HSPD1: variants seen among roughly 807,000 people sequenced by gnomAD.
HSPD1 encodes the protein heat shock protein family D (Hsp60) member 1.
In HSPD1, 3 loss-of-function variants were observed where a neutral mutation model predicts 53.0. The observed-to-expected ratio is 0.06, with a 90% CI of 0.03 to 0.15. The LOEUF (loss-of-function observed/expected upper bound fraction) is 0.15, where lower values mean the gene tolerates loss of function less well. HSPD1 is among the 10% of genes least tolerant of loss of function. The probability of loss-of-function intolerance (pLI) is 1.00; values close to 1 mark genes in which losing one functional copy is unlikely to be tolerated. For missense variants in HSPD1, 431 were observed against 694.1 expected (o/e 0.62, Z 4.26); for synonymous variants, 200 against 228.0 (o/e 0.88, Z 1.10).
At chr2:197,492,254 A>C (rs1163126829) in intron 7 of HSPD1, among the ~76,000 whole-genome samples, 3 of 152,248 alleles carry the variant, frequency 2.0e-5, no homozygotes, top group South Asian at 2.1e-4. Flanking sequence ...GCAGCAGCAC[A>C]ATCTCGGATC....
At chr2:197,487,328 C>T in intron 11 of HSPD1, 130 bp from the exon 12 acceptor site, 1 of 796,684 alleles carries the variant, frequency 1.3e-6, no homozygotes, top group Middle Eastern at 2.6e-4. Flanking sequence ...AGGTAGATGA[C>T]TTGAGGTTAG....
At position 197,486,774 on chromosome 2, in the gene HSPD1, C is replaced by T. The variant is rs1463372257; in HGVS notation, c.*272G>A. On this transcript the variant is annotated 3_prime_UTR_variant, in exon 12 of 12. Transcript: ENST00000388968. ...TCAGTGATTTAAGTTGAAAGCAGTA[C>T]ACTGGTACATGGCTCTTGTACCCAG... 6.7e-6 allele frequency: 3 copies of T among 447,504 alleles called. No homozygotes were observed. Among genetic ancestry groups the T allele is most frequent in the Non-Finnish European group, 8.3e-6 (2 of 241,728 alleles). 27.7% of individuals were successfully genotyped at this position (447,504 alleles called of 1,614,324 possible).
chr2:197,495,398 T>C, intron 3 of HSPD1, 22 bp from the exon 4 acceptor site: 1 of 1,397,772 alleles, frequency 7.2e-7, no homozygotes, highest in Non-Finnish European at 1.0e-6. Context: ...ATATATGTCA[T>C]TACAATGTTT....
intron 7 of HSPD1, among the ~76,000 whole-genome samples, chr2:197,490,798 C>G (rs1376406197): frequency 6.6e-6 from 1 of 152,190 alleles, no homozygotes; most frequent in African/African-American, 2.4e-5. Flanking sequence ...GGTAGAAAAA[C>G]AGTAATTACT....
At chr2:197,490,580 C>A in intron 7 of HSPD1, 1 of 388,740 alleles carries the variant, frequency 2.6e-6, no homozygotes, top group Non-Finnish European at 4.8e-6. Context: ...CCTGTAATCC[C>A]GGCACTTTGC....
intron 7 of HSPD1, among the ~76,000 whole-genome samples, chr2:197,492,936 G>T (rs1452655966): frequency 2.0e-5 from 3 of 151,572 alleles, no homozygotes; most frequent in African/African-American, 7.3e-5. Context: ...GAACCTAGGA[G>T]ATGGAGATTG....
At chr2:197,498,959 T>TGGCG in intron 1 of HSPD1, 109 bp from the exon 2 acceptor site, 4 of 972,384 alleles carry the variant, frequency 4.1e-6, no homozygotes, top group Non-Finnish European at 6.4e-6. Context: ...TGAGCCTGGC[T>TGGCG]GACCTCCGCC....
chr2:197,500,079 T>G (rs766379968), upstream of HSPD1: 2 of 320,696 alleles, frequency 6.2e-6, no homozygotes, highest in Non-Finnish European at 1.2e-5. Flanking sequence ...TCCAGAACTT[T>G]CCAGAAAATG....
At chr2:197,493,558 G>A (rs921126569) in intron 6 of HSPD1, 66 bp from the exon 7 acceptor site, 21 of 1,204,094 alleles carry the variant, frequency 1.7e-5, no homozygotes, top group Middle Eastern at 1.9e-4. Context: ...AATGAAAAGC[G>A]AAACCAAGGT....
Position 197,486,907 on chromosome 2 carries a change from T to G in HSPD1, c.*139A>C. 1.4e-6 allele frequency: 1 copy of G among 724,414 alleles called. No individual in the cohort carries two copies. The highest frequency in any genetic ancestry group is 2.5e-6 in the Non-Finnish European group (1 of 400,358). 44.9% of individuals were successfully genotyped at this position (724,414 alleles called of 1,614,324 possible). ...TATATATTTTGTCAACTGAAACCAGTAACTGATGGTTATAGTGATTTTCAG... is the reference window on the plus strand; with the variant it reads ...TATATATTTTGTCAACTGAAACCAGGAACTGATGGTTATAGTGATTTTCAG... On this transcript the variant is annotated 3_prime_UTR_variant, in exon 12 of 12. Coordinates refer to ENST00000388968, the MANE Select transcript of HSPD1 (RefSeq NM_002156.5).
chr2:197,486,947 C>G lies in HSPD1; in HGVS notation c.*99G>C. The G allele has an allele frequency of 9.2e-7, 1 of 1,089,976 alleles. No homozygotes were observed. The highest frequency in any genetic ancestry group is 1.2e-5 in the South Asian group (1 of 80,066). The allele number at this position is 1,089,976 out of a possible 1,614,324, so 67.5% of individuals were successfully genotyped here. On this transcript the variant is annotated 3_prime_UTR_variant, in exon 12 of 12. Coordinates refer to ENST00000388968, the MANE Select transcript of HSPD1 (RefSeq NM_002156.5). ...GTGATTTTCAGCCAGCCTTTTTCTT[C>G]ATTTTCTCCAACTGACTTCTCTGAA... is the stretch of plus-strand genomic sequence containing the variant.
Position 197,494,687 on chromosome 2 carries a change from T to A in HSPD1, c.576A>T (p.Lys192Asn), listed in dbSNP as rs2086136352. Reference protein sequence around the residue: ...IGNIISDAMKKVGRKGVITVK... With the variant: ...IGNIISDAMKNVGRKGVITVK... Reference sequence around the variant, plus strand: ...CTGTGATGACACCCTTTCTTCCAACTTTTTTCATTGCATCAGAGATGATAT... The same window carrying A: ...CTGTGATGACACCCTTTCTTCCAACATTTTTCATTGCATCAGAGATGATAT... Residue 192 changes from lysine to asparagine, a missense_variant, in exon 5 of 12, where the codon AAA becomes AAT. By Grantham distance (94) the Lys-to-Asn change is moderately conservative. This residue lies in a region of HSPD1 where 386 missense variants were observed against 657.6 expected (regional missense o/e 0.59). Transcript: ENST00000388968. 6.2e-7 allele frequency: 1 copy of A among 1,611,554 alleles called. No homozygotes were observed. The highest frequency in any genetic ancestry group is 8.5e-7 in the Non-Finnish European group (1 of 1,177,796).
chr2:197,494,857 G>T, intron 4 of HSPD1, 105 bp from the exon 5 acceptor site: 2 of 764,110 alleles, frequency 2.6e-6, no homozygotes, highest in South Asian at 1.4e-5. Context: ...TTCCATCCAG[G>T]GGAGAGAAGG....
At chr2:197,496,017 T>G (rs573387897) in intron 3 of HSPD1, among the ~76,000 whole-genome samples, 1 of 152,252 alleles carries the variant, frequency 6.6e-6, no homozygotes, top group Admixed American at 6.5e-5. Context: ...TCATGTCCAT[T>G]AGATGATGCA....
intron 7 of HSPD1, among the ~76,000 whole-genome samples, chr2:197,492,968 C>T (rs1474632216): frequency 6.6e-6 from 1 of 151,476 alleles, no homozygotes. Context: ...GATTATGCCA[C>T]TGCACTCCAG....
chr2:197,490,384 G>A (rs899042031), intron 7 of HSPD1, 88 bp from the exon 8 acceptor site: 9 of 994,346 alleles, frequency 9.1e-6, no homozygotes, highest in Non-Finnish European at 1.3e-5. Flanking sequence ...GATTACTTAG[G>A]ACTCCCTAAG....
At chr2:197,496,793 G>C in intron 3 of HSPD1, 1 of 313,128 alleles carries the variant, frequency 3.2e-6, no homozygotes, top group East Asian at 7.6e-5. Context: ...AATTAGCCAG[G>C]AATGGTGGTG....
At chr2:197,488,195 G>T in intron 10 of HSPD1, 122 bp downstream of exon 10, 1 of 1,004,464 alleles carries the variant, frequency 1.0e-6, no homozygotes, top group Non-Finnish European at 1.5e-6. Context: ...TCTGACATTA[G>T]CACTATTCTA....
At chr2:197,495,087 G>A (rs1056197997) in intron 4 of HSPD1, 2 of 612,344 alleles carry the variant, frequency 3.3e-6, no homozygotes, top group African/African-American at 1.9e-5. Flanking sequence ...CAGCCATGTA[G>A]AACTAAAATG....
Sources: gnomAD v4.1 joint callset for allele counts (sites outside exome capture counted in the v4.1 genomes callset) on GRCh38, gnomAD v4.1.1 for gene constraint, gnomAD v4.1.1 regional missense constraint, MANE v1.5 for transcripts, NCBI Gene and HGNC (gene_info 2026-07-23, HGNC 2026-07-21) for gene names.